The following IGSF5 variants were observed in gnomAD, a reference collection of about 807,000 sequenced individuals.
IGSF5 encodes the protein immunoglobulin superfamily member 5.
IGSF5 carries 41 observed loss-of-function variants against 39.4 expected under a neutral mutation model. That is an observed-to-expected ratio of 1.04 (90% confidence interval 0.81 to 1.35). The LOEUF is 1.35. Ranked by LOEUF, IGSF5 falls within the 40% of genes most tolerant of loss-of-function variation. IGSF5 has a pLI of 0.00. For missense variants in IGSF5, 487 were observed against 494.6 expected (o/e 0.98, Z 0.15); for synonymous variants, 183 against 175.3 (o/e 1.04, Z -0.34).
At chr21:39,780,785 C>T (rs1601136369) in intron 5 of IGSF5, among the ~76,000 whole-genome samples, 1 of 152,196 alleles carries the variant, frequency 6.6e-6, no homozygotes, top group Admixed American at 6.5e-5. Context: ...CAGTTTGTGG[C>T]TTCAGAAGCC....
Position 39,771,159 on chromosome 21 carries a change from G to A in IGSF5, c.662G>A (p.Ser221Asn), listed in dbSNP as rs772411202. ...TTGACTTGCGTGGCTACCTGGAAGAGCCTGAAGGCCCGCAAGTCTGCAACT... is the reference window on the plus strand; with the variant it reads ...TTGACTTGCGTGGCTACCTGGAAGAACCTGAAGGCCCGCAAGTCTGCAACT... ...GTLTCVATWKSLKARKSATVN... is the reference protein window; with the variant it reads ...GTLTCVATWKNLKARKSATVN... The change falls in exon 4 of 9, where the codon AGC becomes AAC. Residue 221 changes from serine to asparagine, a missense_variant. Ser to Asn is a conservative substitution (Grantham distance 46). Transcript: ENST00000380588. 2.5e-6 allele frequency: 4 copies of A among 1,604,634 alleles called. No individual in the cohort carries two copies. In the East Asian group the frequency reaches 6.7e-5, roughly 27 times the overall value.
the IGSF5 span, chr21:39,730,410 C>T: frequency 6.6e-6 from 1 of 152,176 alleles, no homozygotes; most frequent in African/African-American, 2.4e-5. Flanking sequence ...AGGCCACATT[C>T]TGAGGAACTG....
chr21:39,797,457 GACCTGCCC>G lies in IGSF5; in HGVS notation c.1129-3800_1129-3793del, dbSNP rs1015455119. Reference sequence around the variant, plus strand: ...TGGGCTCGAACTCCTGACCTCAGGTGACCTGCCCACCTCAGCCTCCCAAAGTGCTGGTA... The same window carrying G: ...TGGGCTCGAACTCCTGACCTCAGGTGACCTCAGCCTCCCAAAGTGCTGGTA... On this transcript the variant is annotated intron_variant, in intron 8 of 8. Transcript: ENST00000380588. Among the ~76,000 whole-genome samples the G allele has an allele frequency of 8.5e-5, 13 of 152,104 alleles. 1 individual carries two copies.
the IGSF5 span, among the ~76,000 whole-genome samples, chr21:39,721,641 T>C: frequency 6.6e-6 from 1 of 151,146 alleles, no homozygotes; most frequent in Non-Finnish European, 1.5e-5. Flanking sequence ...GACTAGAGCC[T>C]GGCCATGATG....
At chr21:39,719,089 G>A in the IGSF5 span, among the ~76,000 whole-genome samples, 1 of 152,146 alleles carries the variant, frequency 6.6e-6, no homozygotes, top group Non-Finnish European at 1.5e-5. Context: ...GGGTGTATGT[G>A]TCCAGGAATT....
chr21:39,730,857 C>G, the IGSF5 span, among the ~76,000 whole-genome samples: 2 of 152,182 alleles, frequency 1.3e-5, no homozygotes, highest in Non-Finnish European at 2.9e-5. Flanking sequence ...TGCTTTTTGT[C>G]CAACTATTCG....
intron 2 of IGSF5, among the ~76,000 whole-genome samples, chr21:39,757,856 C>T (rs960070008): frequency 6.6e-6 from 1 of 152,154 alleles, no homozygotes; most frequent in African/African-American, 2.4e-5. Flanking sequence ...GAATTACAGG[C>T]GTGAGCCACC....
chr21:39,774,772 G>C (rs901192942), intron 4 of IGSF5, among the ~76,000 whole-genome samples: 1 of 152,236 alleles, frequency 6.6e-6, no homozygotes, highest in African/African-American at 2.4e-5. Context: ...TGAGCACCTT[G>C]TGGAATGTAG....
rs1245005194 is a variant in IGSF5 at position 39,788,153 on chromosome 21, G to A, written c.935-14G>A. On this transcript the variant is annotated splice_polypyrimidine_tract_variant and intron_variant, in intron 5 of 8. Transcript: ENST00000380588. ...ATCCCGATTTTTCCAATGTAATTTT[G>A]TTCTTTTTTGCAGGATTTCGTATTC... 1 of 1,586,406 alleles carries A rather than the reference G, an allele frequency of 6.3e-7. No individual in the cohort carries two copies. Among genetic ancestry groups the A allele is most frequent in the Non-Finnish European group, 8.6e-7 (1 of 1,159,954 alleles).
chr21:39,791,117 G>A (rs573533182), intron 6 of IGSF5, among the ~76,000 whole-genome samples: 14 of 152,232 alleles, frequency 9.2e-5, no homozygotes, highest in African/African-American at 2.6e-4. Context: ...AGAAGGTAGC[G>A]TATCTTCAGC....
intron 7 of IGSF5, among the ~76,000 whole-genome samples, chr21:39,792,904 G>A (rs77559075): frequency 1.1e-3 from 172 of 152,212 alleles, no homozygotes; most frequent in African/African-American, 3.9e-3. Context: ...CAGGCTGCTG[G>A]GAACACCAAA....
chr21:39,801,290 C>A lies in IGSF5; in HGVS notation c.1157C>A (p.Ala386Glu). ...QRADQRPPRP[A>E]SHPQASFNLA... is the part of the protein sequence containing the mutation. Reference sequence around the variant, plus strand: ...GCTGATCAACGTCCACCCAGGCCAGCAAGTCATCCACAGGCTTCTTTTAAT... The same window carrying A: ...GCTGATCAACGTCCACCCAGGCCAGAAAGTCATCCACAGGCTTCTTTTAAT... The change falls in exon 9 of 9, where the codon GCA (alanine) becomes GAA (glutamate). Residue 386 changes from alanine (A) to glutamate (E), a missense_variant. Coordinates refer to ENST00000380588, the MANE Select transcript of IGSF5 (RefSeq NM_001080444.2). 2.5e-6 allele frequency: 4 copies of A among 1,614,126 alleles called. No homozygotes were observed. Among genetic ancestry groups the A allele is most frequent in the Non-Finnish European group, 3.4e-6 (4 of 1,179,986 alleles).
intron 3 of IGSF5, among the ~76,000 whole-genome samples, chr21:39,767,394 CT>C (rs1326225230): frequency 6.6e-6 from 1 of 152,146 alleles, no homozygotes; most frequent in Admixed American, 6.5e-5. Flanking sequence ...CCAGAGTGGT[CT>C]AGTGGTCAGG....
At chr21:39,775,894 T>G (rs1389561322) in intron 4 of IGSF5, among the ~76,000 whole-genome samples, 2 of 152,214 alleles carry the variant, frequency 1.3e-5, no homozygotes, top group Non-Finnish European at 2.9e-5. Flanking sequence ...AGAAGGATTA[T>G]TCTACATTGG....
intron 5 of IGSF5, among the ~76,000 whole-genome samples, chr21:39,785,598 T>C (rs1372103463): frequency 3.9e-5 from 6 of 152,154 alleles, no homozygotes; most frequent in African/African-American, 1.4e-4. Context: ...GTGAAGAAAG[T>C]CATTGGTAGC....
chr21:39,724,161 A>C, the IGSF5 span, among the ~76,000 whole-genome samples: 2 of 152,182 alleles, frequency 1.3e-5, no homozygotes, highest in Non-Finnish European at 2.9e-5. Flanking sequence ...TAATACAATA[A>C]AATTCTTATC....
intron 5 of IGSF5, among the ~76,000 whole-genome samples, chr21:39,780,553 C>T (rs181815579): frequency 6.6e-6 from 1 of 152,152 alleles, no homozygotes; most frequent in Admixed American, 6.5e-5. Flanking sequence ...TTTTAAATCT[C>T]CCTTTGTAGG....
At chr21:39,760,665 TG>T (rs1208541440) in intron 2 of IGSF5, among the ~76,000 whole-genome samples, 1 of 151,986 alleles carries the variant, frequency 6.6e-6, no homozygotes, top group Admixed American at 6.6e-5. Flanking sequence ...CCGCCTCACA[TG>T]TTAAAGCGAT....
At chr21:39,715,610 A>G in the IGSF5 span, among the ~76,000 whole-genome samples, 1 of 152,184 alleles carries the variant, frequency 6.6e-6, no homozygotes, top group African/African-American at 2.4e-5. Flanking sequence ...GTGCTTATCC[A>G]TGACAGGTAG....
Sources: gnomAD v4.1 joint callset for allele counts (sites outside exome capture counted in the v4.1 genomes callset) on GRCh38, gnomAD v4.1.1 for gene constraint, MANE v1.5 for transcripts, NCBI Gene and HGNC (gene_info 2026-07-23, HGNC 2026-07-21) for gene names.